C3orf20: variants seen among roughly 807,000 people sequenced by gnomAD.
C3orf20 encodes family with sequence similarity 149 member C.
In C3orf20, 76 loss-of-function variants were observed where a neutral mutation model predicts 88.3. The observed-to-expected ratio is 0.86, with a 90% CI of 0.72 to 1.04. C3orf20 has a LOEUF of 1.04. Among genes scored for constraint, C3orf20 ranks in the 50% least tolerant of loss-of-function variants. The pLI, the probability that C3orf20 is intolerant of heterozygous loss-of-function variation, is 0.00. For synonymous variants in C3orf20, 436 were observed against 437.4 expected (o/e 1.00, Z 0.04); for missense variants, 1,056 against 1,123.3 (o/e 0.94, Z 0.86).
chr3:14,735,919 T>C (rs1229281360), intron 12 of C3orf20, among the ~76,000 whole-genome samples: 1 of 152,192 alleles, frequency 6.6e-6, no homozygotes, highest in Non-Finnish European at 1.5e-5. Context: ...TTATACAGTT[T>C]ATATTTAGAT....
intron 11 of C3orf20, 122 bp from the exon 12 acceptor site, chr3:14,728,317 T>C: frequency 8.6e-7 from 1 of 1,168,724 alleles, no homozygotes; most frequent in Non-Finnish European, 1.2e-6. Flanking sequence ...GGAGAATCAA[T>C]GAGAGCGGAG....
intron 12 of C3orf20, among the ~76,000 whole-genome samples, chr3:14,746,743 T>G (rs954249846): frequency 1.3e-5 from 2 of 152,240 alleles, no homozygotes; most frequent in Admixed American, 1.3e-4. Flanking sequence ...TTGGGCAGTT[T>G]TGCCTGGAGT....
intron 7 of C3orf20, among the ~76,000 whole-genome samples, chr3:14,710,833 T>G (rs2033705978): frequency 6.6e-6 from 1 of 152,174 alleles, no homozygotes; most frequent in African/African-American, 2.4e-5. Context: ...GGATTCTGTA[T>G]GTTTCTGTTA....
chr3:14,723,777 GTTTTATTTTATTTTATTTTATTTTA>G (rs201184448), intron 10 of C3orf20, among the ~76,000 whole-genome samples: 38,949 of 142,608 alleles, frequency 0.27, 5,759 homozygotes, highest in Non-Finnish European at 0.29. Context: ...AAGGCCATTG[GTTTTATTTTATTTTATTTTATTTTA>G]TTTTATTTTA....
At chr3:14,761,746 G>A in intron 15 of C3orf20, 131 bp downstream of exon 15, 2 of 873,656 alleles carry the variant, frequency 2.3e-6, no homozygotes, top group South Asian at 3.1e-5. Context: ...GAGGGGGGCT[G>A]GAGGTGGGAA....
At chr3:14,755,590 C>T (rs2035339171) in intron 12 of C3orf20, among the ~76,000 whole-genome samples, 1 of 152,090 alleles carries the variant, frequency 6.6e-6, no homozygotes, top group Non-Finnish European at 1.5e-5. Flanking sequence ...TATTAATAGC[C>T]CCTGAGAAAT....
chr3:14,683,169 G>T lies in C3orf20; in HGVS notation c.456G>T (p.Lys152Asn). The change falls in exon 3 of 17, where the codon AAG becomes AAT. Residue 152 changes from lysine to asparagine, a missense_variant. Transcript: ENST00000253697. ...IHLLTELLRL[K>N]MKAMVESMSV... ...TGCTGACGGAGCTCCTCAGACTGAA[G>T]ATGAAGGCCATGGTGGAGTCTATGT... is the stretch of plus-strand genomic sequence containing the variant. The T allele has an allele frequency of 6.2e-7, 1 of 1,604,100 alleles. No homozygotes were observed. The highest frequency in any genetic ancestry group is 8.5e-7 in the Non-Finnish European group (1 of 1,175,138).
intron 5 of C3orf20, among the ~76,000 whole-genome samples, chr3:14,699,935 A>G (rs915967050): frequency 6.6e-6 from 1 of 152,064 alleles, no homozygotes; most frequent in African/African-American, 2.4e-5. Context: ...GCCACTTGGG[A>G]TGGGTAATTC....
intron 12 of C3orf20, among the ~76,000 whole-genome samples, chr3:14,755,971 G>C (rs1678872736): frequency 1.4e-5 from 2 of 142,328 alleles, no homozygotes; most frequent in African/African-American, 5.3e-5. Context: ...GGAGCTTACA[G>C]TGAGCCGAGA....
At chr3:14,720,949 G>A (rs183114497) in intron 9 of C3orf20, among the ~76,000 whole-genome samples, 47 of 152,316 alleles carry the variant, frequency 3.1e-4, no homozygotes, top group African/African-American at 1.1e-3. Context: ...GGACTCACCC[G>A]TAGACCACAG....
chr3:14,728,383 G>A, intron 11 of C3orf20, 56 bp from the exon 12 acceptor site: 1 of 1,605,098 alleles, frequency 6.2e-7, no homozygotes, highest in Non-Finnish European at 8.5e-7. Context: ...CTGGGACCAG[G>A]GGCAGAGGAG....
At chr3:14,712,176 G>A (rs13066868) in intron 7 of C3orf20, among the ~76,000 whole-genome samples, 35,514 of 76,304 alleles carry the variant, frequency 0.47, 4,346 homozygotes, top group South Asian at 0.55. Flanking sequence ...ACACACACGC[G>A]CGCGCGCACA....
intron 10 of C3orf20, 76 bp downstream of exon 10, chr3:14,721,860 G>A (rs2034175202): frequency 3.2e-6 from 5 of 1,576,444 alleles, no homozygotes; most frequent in Non-Finnish European, 4.3e-6. Flanking sequence ...ATATCTCAGG[G>A]CCTTTGCTCT....
chr3:14,709,661 A>G (rs77524245), intron 7 of C3orf20, among the ~76,000 whole-genome samples: 1 of 152,176 alleles, frequency 6.6e-6, no homozygotes, highest in East Asian at 1.9e-4. Flanking sequence ...TTCTATTACT[A>G]TGGTACATTA....
chr3:14,695,116 G>T (rs2032935955), intron 5 of C3orf20, among the ~76,000 whole-genome samples: 1 of 151,960 alleles, frequency 6.6e-6, no homozygotes, highest in African/African-American at 2.4e-5. Flanking sequence ...TTTTGATGTA[G>T]GCACTTAACA....
intron 12 of C3orf20, among the ~76,000 whole-genome samples, chr3:14,734,999 G>A (rs1340698162): frequency 6.6e-6 from 1 of 151,642 alleles, no homozygotes; most frequent in Admixed American, 6.6e-5. Context: ...TAGTTTAATT[G>A]CATCAGTTTT....
At chr3:14,747,205 C>G (rs150659229) in intron 12 of C3orf20, among the ~76,000 whole-genome samples, 1 of 152,106 alleles carries the variant, frequency 6.6e-6, no homozygotes, top group Admixed American at 6.5e-5. Context: ...TGATTACAGC[C>G]GTTACTCTGT....
At chr3:14,713,499 G>A (rs961143422) in intron 7 of C3orf20, among the ~76,000 whole-genome samples, 5 of 152,138 alleles carry the variant, frequency 3.3e-5, no homozygotes, top group Non-Finnish European at 5.9e-5. Flanking sequence ...AATGAACAAG[G>A]CGACATTACC....
chr3:14,708,312 A>G (rs1312814483), intron 7 of C3orf20, among the ~76,000 whole-genome samples: 2 of 152,214 alleles, frequency 1.3e-5, no homozygotes, highest in Non-Finnish European at 2.9e-5. Flanking sequence ...ACCCTTGTCA[A>G]AAATCAATTG....
Sources: gnomAD v4.1 joint callset for allele counts (sites outside exome capture counted in the v4.1 genomes callset) on GRCh38, gnomAD v4.1.1 for gene constraint, MANE v1.5 for transcripts, NCBI Gene and HGNC (gene_info 2026-07-23, HGNC 2026-07-21) for gene names.